The following MTA2 variants were observed in gnomAD, a reference collection of about 807,000 sequenced individuals.
MTA2 encodes the protein metastasis-associated protein MTA2.
Under a neutral mutation model 87.1 loss-of-function variants are expected in MTA2, and 22 were observed. The observed-to-expected ratio is 0.25, with a 90% confidence interval of 0.18 to 0.36. The LOEUF is 0.36. MTA2 is among the 10% of genes least tolerant of loss of function. MTA2 has a pLI of 1.00. For missense variants in MTA2, 542 were observed against 853.2 expected (o/e 0.64, Z 4.54); for synonymous variants, 314 against 310.1 (o/e 1.01, Z -0.13).
chr11:62,595,701 C>T lies in MTA2; in HGVS notation c.1254+51G>A, dbSNP rs772385845. The T allele has an allele frequency of 6.2e-7, 1 of 1,603,502 alleles. No individual in the cohort carries two copies. Among genetic ancestry groups the T allele is most frequent in the Non-Finnish European group, 8.5e-7 (1 of 1,174,042 alleles). ...ATATTCTGGCCTTCACCTAAGCTCACCATCAATATGCTTACTGCTCTCCCC... is the reference window on the plus strand; with the variant it reads ...ATATTCTGGCCTTCACCTAAGCTCATCATCAATATGCTTACTGCTCTCCCC... On this transcript the variant is annotated intron_variant, in intron 13 of 17. Transcript: ENST00000278823. This position sits in a 1 kb window ranked among gnomAD's most constrained non-coding sequence, Gnocchi z 4.9.
At position 62,594,637 on chromosome 11, in the gene MTA2, G is replaced by C; in HGVS notation, c.1574-3C>G. On this transcript the variant is annotated splice_polypyrimidine_tract_variant and splice_region_variant and intron_variant, in intron 15 of 17. Coordinates refer to ENST00000278823, the MANE Select transcript of MTA2 (RefSeq NM_004739.4). Reference sequence around the variant, plus strand: ...TGGTTTCAGGGGTGCCTGGGCCACTGGAAAAAAACAGAAAACTTTCGCACC... The same window carrying C: ...TGGTTTCAGGGGTGCCTGGGCCACTCGAAAAAAACAGAAAACTTTCGCACC... 1 of 1,611,700 alleles carries C rather than the reference G, an allele frequency of 6.2e-7. No homozygotes were observed. The highest frequency in any genetic ancestry group is 8.5e-7 in the Non-Finnish European group (1 of 1,179,054).
intron 1 of MTA2, chr11:62,600,945 T>C: frequency 5.8e-6 from 3 of 515,630 alleles, no homozygotes; most frequent in East Asian, 3.4e-5. Flanking sequence ...GGGGTTCCCC[T>C]GCAGTCCCCA....
At position 62,601,685 on chromosome 11, in the gene MTA2, C is replaced by T. The variant is rs1942205697; in HGVS notation, c.-235G>A. On this transcript the variant is annotated 5_prime_UTR_variant, in exon 1 of 18. Coordinates refer to ENST00000278823, the MANE Select transcript of MTA2 (RefSeq NM_004739.4). ...ACGCTGAGGCTGGCCCCCGTCCGCTCGGCTTCTTCCGGAACGAGCTCGGCT... is the reference window on the plus strand; with the variant it reads ...ACGCTGAGGCTGGCCCCCGTCCGCTTGGCTTCTTCCGGAACGAGCTCGGCT... 1.9e-6 allele frequency: 1 copy of T among 534,052 alleles called. No individual in the cohort carries two copies. The highest frequency in any genetic ancestry group is 3.5e-5 in the East Asian group (1 of 28,776). The allele number at this position is 534,052 out of a possible 1,614,324, so 33.1% of individuals were successfully genotyped here.
Position 62,595,344 on chromosome 11 carries a change from A to G in MTA2, c.1403T>C (p.Met468Thr), listed in dbSNP as rs768940838. 3 of 1,614,226 alleles carry G rather than the reference A, an allele frequency of 1.9e-6. No individual in the cohort carries two copies. Among genetic ancestry groups the G allele is most frequent in the South Asian group, 1.1e-5 (1 of 91,086 alleles). ...TTKLTRLARRMCRDLLQPRRA... is the reference protein window; with the variant it reads ...TTKLTRLARRTCRDLLQPRRA... ...CCTTGGCTGTAATAGGTCCCTGCAC[A>G]TGCGTCTGGCAAGACGGGTCAGCTT... The change falls in exon 14 of 18, where the codon ATG becomes ACG. Residue 468 changes from methionine (M) to threonine (T), a missense_variant. This residue lies in a region of MTA2 where 269 missense variants were observed against 346.4 expected (regional missense o/e 0.78). Coordinates refer to ENST00000278823, the MANE Select transcript of MTA2 (RefSeq NM_004739.4). The surrounding 1 kb of genome is among the most constrained non-coding windows in gnomAD (Gnocchi z 4.9).
In MTA2 at chr11:62,596,318, T is replaced by G; in HGVS notation, c.977A>C (p.Glu326Ala). ...GACCTGTTTCAGTTTGCTGTCTGCT[T>G]CAGCAGCTTTCAACCTTTTCTGTAA... ...YIQQKRLKAA[E>A]ADSKLKQVYI... The change falls in exon 11 of 18, where the codon GAA becomes GCA. Residue 326 changes from glutamate (E) to alanine (A), a missense_variant. This residue lies in a region of MTA2 where 46 missense variants were observed against 109.1 expected (regional missense o/e 0.42). Coordinates refer to ENST00000278823, the MANE Select transcript of MTA2 (RefSeq NM_004739.4). 1 of 1,614,130 alleles carries G rather than the reference T, an allele frequency of 6.2e-7. No individual in the cohort carries two copies.
chr11:62,599,830 C>G (rs1942153782), intron 3 of MTA2, among the ~76,000 whole-genome samples: 1 of 152,198 alleles, frequency 6.6e-6, no homozygotes, highest in African/African-American at 2.4e-5. Context: ...TTCCTCTTCA[C>G]GTTGACCTTC....
chr11:62,597,331 G>A lies in MTA2; in HGVS notation c.678C>T (p.Ser226=). The A allele has an allele frequency of 6.2e-7, 1 of 1,603,464 alleles. No individual in the cohort carries two copies. Among genetic ancestry groups the A allele is most frequent in the Non-Finnish European group, 8.5e-7 (1 of 1,177,046 alleles). Residue 226 remains serine (S), a synonymous_variant, in exon 8 of 18, where the codon TCC becomes TCT. Coordinates refer to ENST00000278823, the MANE Select transcript of MTA2 (RefSeq NM_004739.4). ...TTCTGCTCACCAGAGTGATATCTCG[G>A]GAGGCAGCAGCTGCACTCATGTGCA... ...PSLHMSAAAA[S]RDITLFHAMD...
At chr11:62,598,190 G>A (rs756644601) in intron 5 of MTA2, 49 bp from the exon 6 acceptor site, 21 of 1,587,574 alleles carry the variant, frequency 1.3e-5, no homozygotes, top group South Asian at 3.3e-5. Context: ...CCACATAGGC[G>A]GCGGGGAGGG....
chr11:62,601,553 G>A lies in MTA2; in HGVS notation c.-103C>T. ...GCCCCGAACGGTGGGCTGCCGCTTC[G>A]AGGGAGTCTCACTGGGGCCCGCGCA... On this transcript the variant is annotated 5_prime_UTR_variant, in exon 1 of 18. Coordinates refer to ENST00000278823, the MANE Select transcript of MTA2 (RefSeq NM_004739.4). 7.2e-7 allele frequency: 1 copy of A among 1,398,476 alleles called. No individual in the cohort carries two copies. Among genetic ancestry groups the A allele is most frequent in the Non-Finnish European group, 9.6e-7 (1 of 1,040,564 alleles). The allele number at this position is 1,398,476 out of a possible 1,614,324, so 86.6% of individuals were successfully genotyped here.
intron 3 of MTA2, among the ~76,000 whole-genome samples, chr11:62,599,692 G>A (rs1225627537): frequency 5.3e-5 from 8 of 152,064 alleles, no homozygotes; most frequent in African/African-American, 1.9e-4. Flanking sequence ...GCGGGGAAAT[G>A]GGCGAGGTGA....
chr11:62,596,687 C>G lies in MTA2; in HGVS notation c.832G>C (p.Glu278Gln). 6.2e-7 allele frequency: 1 copy of G among 1,614,038 alleles called. No individual in the cohort carries two copies. Among genetic ancestry groups the G allele is most frequent in the Non-Finnish European group, 8.5e-7 (1 of 1,179,928 alleles). ...TCCTTCCCATACTTCTCTAGGGCCT[C>G]CTCAAATAGCATGGCCTCTGAGGCT... ...WSASEAMLFEEALEKYGKDFN... is the reference protein window; with the variant it reads ...WSASEAMLFEQALEKYGKDFN... Residue 278 changes from glutamate (E) to glutamine (Q), a missense_variant, in exon 9 of 18, where the codon GAG (glutamate) becomes CAG (glutamine). Transcript: ENST00000278823.
intron 8 of MTA2, 27 bp from the exon 9 acceptor site, chr11:62,596,852 G>A: frequency 6.4e-7 from 1 of 1,573,864 alleles, no homozygotes; most frequent in Non-Finnish European, 8.6e-7. Context: ...GAGCAACTGA[G>A]GACCTGAAAC....
chr11:62,599,683 C>T (rs532459568), intron 3 of MTA2, among the ~76,000 whole-genome samples: 21 of 101,780 alleles, frequency 2.1e-4, no homozygotes, highest in South Asian at 1.3e-3. Context: ...GGGGGGCGGG[C>T]GGGGAAATGG....
intron 5 of MTA2, 32 bp downstream of exon 5, chr11:62,598,295 C>T (rs1392424472): frequency 6.2e-7 from 1 of 1,608,444 alleles, no homozygotes; most frequent in Admixed American, 1.7e-5. Context: ...ATACCCATTC[C>T]CCTCGCTCTT....
rs754916174 is a variant in MTA2 at position 62,593,965 on chromosome 11, C to T, written c.1917G>A (p.Lys639=). ...GGGGCCGCACTGCAATCAGCGTTGG[C>T]TTCACCTTCAGGGGCAAGTTGGGTC... is the stretch of plus-strand genomic sequence containing the variant. ...ARRPNLPLKV[K]PTLIAVRPPV... is the part of the protein sequence containing the mutation. The change falls in exon 18 of 18, where the codon AAG becomes AAA. Residue 639 remains lysine, a synonymous_variant. Transcript: ENST00000278823. 6 of 1,614,078 alleles carry T rather than the reference C, an allele frequency of 3.7e-6. No individual in the cohort carries two copies. In the South Asian group the frequency reaches 4.4e-5, roughly 12 times the overall value.
At position 62,600,206 on chromosome 11, in the gene MTA2, G is replaced by A; in HGVS notation, c.150C>T (p.Asp50=). ...CCAGGCTGTTGAGGCTACTAGAAAT[G>A]TCCCTGCGCCGGAAAAGACAGACAA... ...AKVVCLFRRR[D]ISSSLNSLAD... The change falls in exon 3 of 18, where the codon GAC becomes GAT. Residue 50 remains aspartate (D), a synonymous_variant. Coordinates refer to ENST00000278823, the MANE Select transcript of MTA2 (RefSeq NM_004739.4). 1 of 1,614,182 alleles carries A rather than the reference G, an allele frequency of 6.2e-7. No individual in the cohort carries two copies. The highest frequency in any genetic ancestry group is 8.5e-7 in the Non-Finnish European group (1 of 1,180,026).
chr11:62,595,427 G>A lies in MTA2; in HGVS notation c.1320C>T (p.Ser440=), dbSNP rs780111889. ...EAQSLSPYTT[S]ANRAKLLAKN... ...TAGCCAGTAGCTTGGCCCTGTTGGC[G>A]CTGGTTGTGTAAGGAGAGAGACTTT... Residue 440 remains serine, a synonymous_variant, in exon 14 of 18, where the codon AGC becomes AGT. Transcript: ENST00000278823. The surrounding 1 kb of genome is among the most constrained non-coding windows in gnomAD (Gnocchi z 4.9). The A allele has an allele frequency of 2.9e-5, 47 of 1,614,246 alleles. No individual in the cohort carries two copies. Among genetic ancestry groups the A allele is most frequent in the South Asian group, 8.8e-5 (8 of 91,092 alleles).
Position 62,598,308 on chromosome 11 carries a change from C to T in MTA2, c.372+19G>A. The T allele has an allele frequency of 6.2e-7, 1 of 1,613,306 alleles. No individual in the cohort carries two copies. On this transcript the variant is annotated intron_variant, in intron 5 of 17. Transcript: ENST00000278823. ...CAATACCCATTCCCCTCGCTCTTCT[C>T]TCAACATCTCTTTCTCACCTCCTTT...
At chr11:62,594,063 A>G (rs1177325631) in intron 17 of MTA2, 23 bp from the exon 18 acceptor site, 1 of 1,575,032 alleles carries the variant, frequency 6.3e-7, no homozygotes, top group East Asian at 2.2e-5. Context: ...AGCAAGTGGG[A>G]AACAGAAAAG....
Sources: gnomAD v4.1 joint callset for allele counts (sites outside exome capture counted in the v4.1 genomes callset) on GRCh38, gnomAD v4.1.1 for gene constraint, gnomAD v4.1.1 regional missense constraint, Gnocchi (gnomAD v3.1) non-coding constraint, MANE v1.5 for transcripts, NCBI Gene and HGNC (gene_info 2026-07-23, HGNC 2026-07-21) for gene names.